NLGN4X: variants seen among roughly 807,000 people sequenced by gnomAD.
NLGN4X encodes the protein neuroligin 4 X-linked.
In NLGN4X, 3 loss-of-function variants were observed where a neutral mutation model predicts 40.3. The ratio of observed to expected loss-of-function variants is 0.07; its 90% confidence interval spans 0.03 to 0.19. The LOEUF (loss-of-function observed/expected upper bound fraction) is 0.19. Among genes scored for constraint, NLGN4X ranks in the 10% least tolerant of loss-of-function variants. The pLI is 1.00. For synonymous variants in NLGN4X, 270 were observed against 306.8 expected (o/e 0.88, Z 1.25); for missense variants, 382 against 708.3 (o/e 0.54, Z 5.23).
At chrX:6,162,308 G>A (rs2040416946) in intron 1 of NLGN4X, among the ~76,000 whole-genome samples, 3 of 111,968 alleles carry the variant, frequency 2.7e-5, no homozygotes, top group Admixed American at 9.5e-5. Context: ...AACTTCATTG[G>A]ATTGAAGAAT....
At chrX:6,100,463 A>T (rs2038881722) in intron 2 of NLGN4X, among the ~76,000 whole-genome samples, 1 of 112,589 alleles carries the variant, frequency 8.9e-6, no homozygotes, top group African/African-American at 3.2e-5. Context: ...TGCAAAGCTA[A>T]GTCAGGGTCT....
At chrX:6,180,218 G>A (rs1921275859) in intron 1 of NLGN4X, among the ~76,000 whole-genome samples, 1 of 111,751 alleles carries the variant, frequency 8.9e-6, no homozygotes, top group African/African-American at 3.3e-5. Context: ...AGATGAAAAT[G>A]TGTCCCTATC....
At chrX:5,919,434 T>C (rs1395002897) in intron 3 of NLGN4X, among the ~76,000 whole-genome samples, 1 of 111,770 alleles carries the variant, frequency 8.9e-6, no homozygotes, top group Non-Finnish European at 1.9e-5. Context: ...TAAGGTAGGA[T>C]GTGAACATAT....
intron 1 of NLGN4X, among the ~76,000 whole-genome samples, chrX:6,214,750 T>C (rs776316998): frequency 9.0e-6 from 1 of 111,473 alleles, no homozygotes; most frequent in African/African-American, 3.3e-5. Context: ...AATATGTGTA[T>C]AGAAAGTTCT....
At chrX:5,973,024 C>A (rs765621790) in intron 3 of NLGN4X, among the ~76,000 whole-genome samples, 2 of 111,990 alleles carry the variant, frequency 1.8e-5, no homozygotes, top group South Asian at 7.4e-4. Flanking sequence ...TTTTAATAAA[C>A]CAACAAGAGA....
At chrX:6,207,103 G>A (rs909627303) in intron 1 of NLGN4X, among the ~76,000 whole-genome samples, 8 of 110,960 alleles carry the variant, frequency 7.2e-5, no homozygotes, top group African/African-American at 2.6e-4. Flanking sequence ...TTGAGAAAAT[G>A]CAACCTTTGG....
chrX:6,011,756 G>A (rs2036257849), intron 3 of NLGN4X, among the ~76,000 whole-genome samples: 1 of 110,996 alleles, frequency 9.0e-6, no homozygotes, highest in Non-Finnish European at 1.9e-5. Flanking sequence ...TTATGTAATC[G>A]TTACTCACCT....
At chrX:6,049,851 T>C (rs1265175343) in intron 2 of NLGN4X, among the ~76,000 whole-genome samples, 1 of 111,404 alleles carries the variant, frequency 9.0e-6, no homozygotes, top group Non-Finnish European at 1.9e-5. Context: ...GTTATCATCA[T>C]TGTGATTACT....
intron 3 of NLGN4X, among the ~76,000 whole-genome samples, chrX:5,959,459 C>G (rs1032048798): frequency 8.9e-6 from 1 of 111,801 alleles, no homozygotes; most frequent in Non-Finnish European, 1.9e-5. Context: ...TAATTCCTTT[C>G]ATGAATGTAG....
rs111269927 is a variant in NLGN4X at position 6,205,015 on chromosome X, C to T, written c.-306+23526G>A. Among the ~76,000 whole-genome samples the T allele has an allele frequency of 1.5e-3, 173 of 111,660 alleles. 1 individual carries two copies. Among genetic ancestry groups the T allele is most frequent in the African/African-American group, 5.3e-3 (162 of 30,770 alleles). ...CATCGCTGAGGGTCTGCAGCAGGAGCTCAAACTCTATCCCTTTTATCACTA... is the reference window on the plus strand; with the variant it reads ...CATCGCTGAGGGTCTGCAGCAGGAGTTCAAACTCTATCCCTTTTATCACTA... On this transcript the variant is annotated intron_variant, in intron 1 of 5. Coordinates refer to ENST00000381095, the MANE Select transcript of NLGN4X (RefSeq NM_181332.3).
At chrX:5,947,422 T>C (rs908091382) in intron 3 of NLGN4X, among the ~76,000 whole-genome samples, 4 of 111,932 alleles carry the variant, frequency 3.6e-5, no homozygotes, top group African/African-American at 1.3e-4. Flanking sequence ...AGTCTGCAGT[T>C]CAAAATGCAC....
intron 1 of NLGN4X, among the ~76,000 whole-genome samples, chrX:6,165,029 C>T: frequency 9.0e-6 from 1 of 111,367 alleles, no homozygotes; most frequent in East Asian, 2.8e-4. Flanking sequence ...AGGCAAGCTT[C>T]ATCCTCAGGC....
At chrX:5,932,684 A>G (rs1267130288) in intron 3 of NLGN4X, among the ~76,000 whole-genome samples, 2 of 110,993 alleles carry the variant, frequency 1.8e-5, no homozygotes, top group Admixed American at 1.9e-4. Flanking sequence ...ACCAAATTGG[A>G]AGATCAGATG....
At chrX:6,045,691 G>C (rs2037299709) in intron 2 of NLGN4X, among the ~76,000 whole-genome samples, 1 of 111,599 alleles carries the variant, frequency 9.0e-6, no homozygotes, top group African/African-American at 3.3e-5. Context: ...TTAAAAAGTA[G>C]AGTACATGGA....
intron 3 of NLGN4X, among the ~76,000 whole-genome samples, chrX:5,980,939 A>C (rs1345558514): frequency 9.0e-6 from 1 of 111,648 alleles, no homozygotes; most frequent in Non-Finnish European, 1.9e-5. Context: ...ATTTTCTAAA[A>C]GTCTACTGTT....
intron 2 of NLGN4X, among the ~76,000 whole-genome samples, chrX:6,080,720 C>T (rs998580743): frequency 8.0e-5 from 9 of 111,927 alleles, no homozygotes; most frequent in African/African-American, 1.6e-4. Flanking sequence ...ATTATCAATA[C>T]GGGAGAGACT....
intron 3 of NLGN4X, among the ~76,000 whole-genome samples, chrX:5,997,040 T>C (rs1213641374): frequency 2.7e-5 from 3 of 111,005 alleles, no homozygotes; most frequent in Non-Finnish European, 5.6e-5. Context: ...GATTAGCTAA[T>C]GCGGTCGGAA....
chrX:5,927,045 T>C (rs768212742), intron 3 of NLGN4X, among the ~76,000 whole-genome samples: 19 of 111,031 alleles, frequency 1.7e-4, no homozygotes, highest in Admixed American at 3.9e-4. Flanking sequence ...TATGTACATA[T>C]GTATGTATGT....
intron 3 of NLGN4X, among the ~76,000 whole-genome samples, chrX:5,978,823 T>C (rs991664096): frequency 2.0e-4 from 22 of 111,432 alleles, no homozygotes; most frequent in African/African-American, 6.8e-4. Flanking sequence ...CAATCACACA[T>C]AGCAGGGCGT....
Sources: gnomAD v4.1 joint callset for allele counts (sites outside exome capture counted in the v4.1 genomes callset) on GRCh38, gnomAD v4.1.1 for gene constraint, MANE v1.5 for transcripts, NCBI Gene and HGNC (gene_info 2026-07-23, HGNC 2026-07-21) for gene names.